Variants in PMPCB observed in about 807,000 individuals in gnomAD.
The protein encoded by PMPCB is mitochondrial-processing peptidase subunit beta.
A neutral mutation model predicts 61.5 loss-of-function variants in PMPCB; 46 were observed. That is an observed-to-expected ratio of 0.75 (90% CI 0.59 to 0.96). The LOEUF is 0.96. Among genes scored for constraint, PMPCB ranks in the 40% least tolerant of loss-of-function variants. The pLI, the probability that PMPCB is intolerant of heterozygous loss-of-function variation, is 0.00. For missense variants in PMPCB, 590 were observed against 602.4 expected, an observed-to-expected ratio of 0.98 and a Z score of 0.22; for synonymous variants, 191 against 201.6, an observed-to-expected ratio of 0.95 and a Z score of 0.44.
the PMPCB span, chr7:103,337,592 G>GT: frequency 1.6e-6 from 1 of 636,568 alleles, no homozygotes; most frequent in East Asian, 3.0e-5. Flanking sequence ...GGAGACCGTG[G>GT]TTTTTTGCTT....
At position 103,299,543 on chromosome 7, in the gene PMPCB, CT is replaced by C; in HGVS notation, c.327+17del. ...ATGGCTTTCAAGGCAAGTTGTAAGA[CT>C]TTACAAAAATGCACTCTCTTTAAGA... On this transcript the variant is annotated intron_variant, in intron 3 of 12. Coordinates refer to ENST00000249269, the MANE Select transcript of PMPCB (RefSeq NM_004279.3). 3 of 1,545,804 alleles carry C rather than the reference CT, an allele frequency of 1.9e-6. No individual in the cohort carries two copies. Among genetic ancestry groups the C allele is most frequent in the Non-Finnish European group, 2.7e-6 (3 of 1,122,494 alleles).
the PMPCB span, chr7:103,344,948 C>G: frequency 1.9e-6 from 1 of 525,096 alleles, no homozygotes. Flanking sequence ...TTCCACGTCC[C>G]AGTGCAATAC....
At chr7:103,323,909 A>C (rs958910001) in intron 12 of PMPCB, among the ~76,000 whole-genome samples, 1 of 152,210 alleles carries the variant, frequency 6.6e-6, no homozygotes, top group South Asian at 2.1e-4. Context: ...TCGCTTGACC[A>C]AGACCTATTT....
At chr7:103,334,093 G>A (rs1819074898), downstream of PMPCB, among the ~76,000 whole-genome samples, 1 of 151,984 alleles carries the variant, frequency 6.6e-6, no homozygotes, top group Admixed American at 6.6e-5. Flanking sequence ...TGCGACTACA[G>A]GTACCCGCCA....
chr7:103,341,506 T>C, the PMPCB span, among the ~76,000 whole-genome samples: 3 of 152,228 alleles, frequency 2.0e-5, no homozygotes, highest in African/African-American at 4.8e-5. Flanking sequence ...CTCACTTCTC[T>C]GCTTCACTAA....
In PMPCB at chr7:103,314,215, G is replaced by A. The variant is rs1817918760; in HGVS notation, c.*1944G>A. 3 of 985,064 alleles carry A rather than the reference G, an allele frequency of 3.0e-6. No individual in the cohort carries two copies. In the African/African-American group the frequency reaches 5.2e-5, roughly 17 times the overall value. The allele number at this position is 985,064 out of a possible 1,614,324, so 61.0% of individuals were successfully genotyped here. On this transcript the variant is annotated 3_prime_UTR_variant, in exon 13 of 13. Transcript: ENST00000249269. ...TACCATAGATTTTATTTCCTCTCTT[G>A]GAAAAAAGATGGAAGTGACATGGCA... is the stretch of plus-strand genomic sequence containing the variant.
rs137928131 is a variant in PMPCB at position 103,308,962 on chromosome 7, G to C, written c.860G>C (p.Arg287Thr). Residue 287 changes from arginine to threonine, a missense_variant, in exon 8 of 13, where the codon AGG (arginine) becomes ACG (threonine). Transcript: ENST00000249269. ...CKFTGSEIRVRDDKMPLAHLA... is the reference protein window; with the variant it reads ...CKFTGSEIRVTDDKMPLAHLA... ...CTTTATCTTAACTAGATTCGTGTGA[G>C]GGATGACAAGATGCCTTTGGCGCAC... 9 of 1,590,452 alleles carry C rather than the reference G, an allele frequency of 5.7e-6. No homozygotes were observed. The highest frequency in any genetic ancestry group is 7.7e-6 in the Non-Finnish European group (9 of 1,168,448).
chr7:103,324,662 C>T, intron 12 of PMPCB: 2 of 1,059,726 alleles, frequency 1.9e-6, no homozygotes, highest in Non-Finnish European at 2.5e-6. Context: ...TTTACTAATT[C>T]CTCTGATTTC....
In PMPCB at chr7:103,311,480, AAATT is replaced by A; in HGVS notation, c.1155-159_1155-156del. The stretch of plus-strand genomic sequence containing the variant: ...GGCATGTTTATGTATCATTTTTGAG[AAATT>A]AATACTGGGGAAAATAATCATTTTA... On this transcript the variant is annotated intron_variant, in intron 9 of 12. Coordinates refer to ENST00000249269, the MANE Select transcript of PMPCB (RefSeq NM_004279.3). 3 of 606,194 alleles carry A rather than the reference AAATT, an allele frequency of 4.9e-6. No homozygotes were observed. The South Asian group carries it at 6.4e-5, about 13-fold the overall frequency. 37.6% of individuals were successfully genotyped at this position (606,194 alleles called of 1,614,324 possible).
At chr7:103,327,763 C>T in intron 12 of PMPCB, 1 of 1,593,308 alleles carries the variant, frequency 6.3e-7, no homozygotes. Flanking sequence ...ATCTACAAAA[C>T]CAGTCAGATT....
rs1817798429 is a variant in PMPCB, at chr7:103,312,460, T to C, written c.*189T>C. ...TCAGTCTTTGTTCTCTGAGAAATTA[T>C]GTTGGAAGCAGCATACTTTCAAATT... On this transcript the variant is annotated 3_prime_UTR_variant, in exon 13 of 13. Transcript: ENST00000249269. The C allele has an allele frequency of 3.3e-6, 5 of 1,534,036 alleles. No homozygotes were observed. The highest frequency in any genetic ancestry group is 4.4e-6 in the Non-Finnish European group (5 of 1,148,852).
At chr7:103,335,901 C>T in the PMPCB span, 283 of 152,428 alleles carry the variant, frequency 1.9e-3, 2 homozygotes, top group Non-Finnish European at 2.6e-3. Context: ...GGTGCGGTGG[C>T]TCACGCCTGT....
In PMPCB at chr7:103,307,650, T is replaced by C. The variant is rs1049828788; in HGVS notation, c.791T>C (p.Leu264Ser). 6.2e-7 allele frequency: 1 copy of C among 1,613,884 alleles called. No homozygotes were observed. Reference sequence around the variant, plus strand: ...GCAAAGTTTCATTTCGGTGACTCTTTATGCACACACAAAGGAGAAATACCA... The same window carrying C: ...GCAAAGTTTCATTTCGGTGACTCTTCATGCACACACAAAGGAGAAATACCA... Reference protein sequence around the residue: ...DLAKFHFGDSLCTHKGEIPAL... With the variant: ...DLAKFHFGDSSCTHKGEIPAL... Residue 264 changes from leucine (L) to serine (S), a missense_variant, in exon 7 of 13, where the codon TTA becomes TCA. Physicochemically the swap from Leu to Ser is moderately radical, Grantham distance 145. Coordinates refer to ENST00000249269, the MANE Select transcript of PMPCB (RefSeq NM_004279.3).
Position 103,314,533 on chromosome 7 carries a change from A to G in PMPCB, c.*2262A>G. 2 of 985,346 alleles carry G rather than the reference A, an allele frequency of 2.0e-6. No homozygotes were observed. The highest frequency in any genetic ancestry group is 2.4e-6 in the Non-Finnish European group (2 of 829,852). 61.0% of individuals were successfully genotyped at this position (985,346 alleles called of 1,614,324 possible). A position where few individuals can be genotyped will look rare whatever the true frequency, so the allele number is the denominator to read the frequency against. ...AACATGGAAACAAGTCCCCCTAAGA[A>G]AGAGCTGAGACTAGTGTGCTAATAC... On this transcript the variant is annotated 3_prime_UTR_variant, in exon 13 of 13. Coordinates refer to ENST00000249269, the MANE Select transcript of PMPCB (RefSeq NM_004279.3).
At position 103,313,348 on chromosome 7, in the gene PMPCB, T is replaced by A; in HGVS notation, c.*1077T>A. ...AACACAATAGTAAAGATCTACCTTG[T>A]ACTGTTTATCTCTTAAAAATCAATG... On this transcript the variant is annotated 3_prime_UTR_variant, in exon 13 of 13. Coordinates refer to ENST00000249269, the MANE Select transcript of PMPCB (RefSeq NM_004279.3). 1 of 1,186,944 alleles carries A rather than the reference T, an allele frequency of 8.4e-7. No individual in the cohort carries two copies. Among genetic ancestry groups the A allele is most frequent in the Non-Finnish European group, 1.0e-6 (1 of 959,522 alleles). The allele number at this position is 1,186,944 out of a possible 1,614,324, so 73.5% of individuals were successfully genotyped here.
At chr7:103,309,151 T>C (rs775886624) in intron 8 of PMPCB, 56 bp downstream of exon 8, 6 of 1,387,120 alleles carry the variant, frequency 4.3e-6, no homozygotes, top group Non-Finnish European at 5.9e-6. Context: ...CATGTTTTCT[T>C]AAATATAAGT....
At position 103,312,382 on chromosome 7, in the gene PMPCB, T is replaced by C; in HGVS notation, c.*111T>C. 1 of 1,535,690 alleles carries C rather than the reference T, an allele frequency of 6.5e-7. No homozygotes were observed. Among genetic ancestry groups the C allele is most frequent in the Middle Eastern group, 2.4e-4 (1 of 4,246 alleles). On this transcript the variant is annotated 3_prime_UTR_variant, in exon 13 of 13. Transcript: ENST00000249269. ...GAAATTTGAATTAAATACTGTATCA[T>C]ACTTTCAAAGGATAAAAAGACTACC...
chr7:103,302,107 A>G (rs990390138), intron 4 of PMPCB, among the ~76,000 whole-genome samples: 3 of 152,150 alleles, frequency 2.0e-5, no homozygotes, highest in Admixed American at 6.5e-5. Context: ...AGCTTCATCC[A>G]TGTCCCTACA....
chr7:103,322,055 A>G, intron 12 of PMPCB: 1 of 1,613,088 alleles, frequency 6.2e-7, no homozygotes. Flanking sequence ...TAGCTAACCG[A>G]GCAGCTTCTA....
Sources: allele counts gnomAD v4.1 joint callset (sites outside exome capture counted in the v4.1 genomes callset), GRCh38; gene constraint gnomAD v4.1.1; transcripts MANE v1.5; gene names NCBI Gene and HGNC (gene_info 2026-07-23, HGNC 2026-07-21).